BCL2: variants seen among roughly 807,000 people sequenced by gnomAD.
The protein encoded by BCL2 is BCL2 apoptosis regulator.
Under a neutral mutation model 14.2 loss-of-function variants are expected in BCL2, and 1 was observed. That is an observed-to-expected ratio of 0.07 (90% confidence interval 0.02 to 0.33). The LOEUF is 0.33. BCL2 is among the 10% of genes least tolerant of loss of function. The pLI, the probability that BCL2 is intolerant of heterozygous loss-of-function variation, is 0.99. For missense variants in BCL2, 247 were observed against 305.9 expected (o/e 0.81, Z 1.44); for synonymous variants, 151 against 137.2 (o/e 1.10, Z -0.70).
At chr18:63,155,512 G>A (rs545131824) in intron 2 of BCL2, among the ~76,000 whole-genome samples, 2 of 152,134 alleles carry the variant, frequency 1.3e-5, no homozygotes, top group South Asian at 2.1e-4. Context: ...TGGGGTGGAG[G>A]CCACAGGGGC....
intron 2 of BCL2, among the ~76,000 whole-genome samples, chr18:63,210,725 T>A (rs763602851): frequency 6.6e-6 from 1 of 152,178 alleles, no homozygotes. Flanking sequence ...TTCCTTTCAG[T>A]TCTTTTTTTT....
intron 2 of BCL2, among the ~76,000 whole-genome samples, chr18:63,226,465 A>C (rs1237193627): frequency 1.3e-5 from 2 of 152,194 alleles, no homozygotes; most frequent in Non-Finnish European, 2.9e-5. Flanking sequence ...AAACAATCTG[A>C]ATGCTCATTA....
chr18:63,285,551 G>A (rs1430709521), intron 2 of BCL2, among the ~76,000 whole-genome samples: 1 of 152,238 alleles, frequency 6.6e-6, no homozygotes, highest in Non-Finnish European at 1.5e-5. Flanking sequence ...GCAAATATGA[G>A]ATGGGTCACT....
intron 2 of BCL2, among the ~76,000 whole-genome samples, chr18:63,268,814 A>C (rs8094315): frequency 6.6e-6 from 1 of 152,080 alleles, no homozygotes; most frequent in African/African-American, 2.4e-5. Flanking sequence ...TTCAAATTTC[A>C]TATTTGCCAG....
intron 2 of BCL2, among the ~76,000 whole-genome samples, chr18:63,138,298 TC>T (rs895057490): frequency 6.6e-6 from 1 of 152,054 alleles, no homozygotes; most frequent in African/African-American, 2.4e-5. Context: ...TGACTCCATT[TC>T]CCCCCTTATC....
chr18:63,305,903 C>T (rs1309025412), intron 2 of BCL2, among the ~76,000 whole-genome samples: 3 of 151,794 alleles, frequency 2.0e-5, no homozygotes, highest in Non-Finnish European at 2.9e-5. Flanking sequence ...GAGATCCTGT[C>T]GCAAAAAAAG....
Position 63,142,190 on chromosome 18 carries a change from T to C in BCL2, c.586-13431A>G, listed in dbSNP as rs114873106. On this transcript the variant is annotated intron_variant, in intron 2 of 2. Transcript: ENST00000333681. ...AGTACAAAGAACCTGCATGTCCTAA[T>C]AGGAATTTGCTGAAAGTGGCCTCAG... Among the ~76,000 whole-genome samples, 1,219 of 152,262 alleles carry C rather than the reference T, an allele frequency of 8.0e-3. 15 individuals carry two copies. The highest frequency in any genetic ancestry group is 0.041 in the Middle Eastern group (12 of 294).
At chr18:63,133,284 CCAA>C (rs922903727) in intron 2 of BCL2, among the ~76,000 whole-genome samples, 1 of 150,272 alleles carries the variant, frequency 6.7e-6, no homozygotes, top group Non-Finnish European at 1.5e-5. Flanking sequence ...CAGCCATCCT[CCAA>C]CATTTTCCTT....
At chr18:63,156,366 C>T (rs1914782323) in intron 2 of BCL2, among the ~76,000 whole-genome samples, 1 of 152,164 alleles carries the variant, frequency 6.6e-6, no homozygotes, top group Non-Finnish European at 1.5e-5. Context: ...GGAGGACGGG[C>T]TGCCCTGTGC....
chr18:63,237,673 C>T (rs1910879295), intron 2 of BCL2, among the ~76,000 whole-genome samples: 1 of 152,164 alleles, frequency 6.6e-6, no homozygotes, highest in Admixed American at 6.5e-5. Context: ...TTATGGAAAG[C>T]TGGTCAAAGG....
At chr18:63,212,352 C>CAA (rs376847924) in intron 2 of BCL2, among the ~76,000 whole-genome samples, 5 of 143,768 alleles carry the variant, frequency 3.5e-5, no homozygotes, top group East Asian at 3.9e-4. Context: ...ACAACAACAA[C>CAA]AAAAAAAACA....
intron 2 of BCL2, among the ~76,000 whole-genome samples, chr18:63,280,399 C>A (rs1476473492): frequency 6.6e-6 from 1 of 152,138 alleles, no homozygotes; most frequent in Non-Finnish European, 1.5e-5. Flanking sequence ...ATACTGTAAG[C>A]CTCAAGAAAT....
chr18:63,236,946 TTTTTC>T (rs1264290208), intron 2 of BCL2, among the ~76,000 whole-genome samples: 4 of 152,170 alleles, frequency 2.6e-5, no homozygotes, highest in Non-Finnish European at 4.4e-5. Context: ...TTTTCAGGAT[TTTTTC>T]TTTTCTTTTC....
intron 2 of BCL2, among the ~76,000 whole-genome samples, chr18:63,267,837 CCT>C (rs1911878176): frequency 6.6e-6 from 1 of 152,084 alleles, no homozygotes; most frequent in Non-Finnish European, 1.5e-5. Context: ...TCCCTCCTTC[CCT>C]CTGTCTTTCT....
chr18:63,261,169 A>T (rs1599276083), intron 2 of BCL2, among the ~76,000 whole-genome samples: 1 of 152,222 alleles, frequency 6.6e-6, no homozygotes, highest in Non-Finnish European at 1.5e-5. Flanking sequence ...GTTAAGCAGG[A>T]GGAGTAGAAT....
At position 63,259,671 on chromosome 18, in the gene BCL2, G is replaced by A. The variant is rs138299300; in HGVS notation, c.585+58411C>T. On this transcript the variant is annotated intron_variant, in intron 2 of 2. Transcript: ENST00000333681. Reference sequence around the variant, plus strand: ...TTACCCACCTACGTGGTTATCAGACGTCTAGACTCAGCCAGGTGTTTTCCC... The same window carrying A: ...TTACCCACCTACGTGGTTATCAGACATCTAGACTCAGCCAGGTGTTTTCCC... 6.2e-3 allele frequency among the ~76,000 whole-genome samples: 937 copies of A among 152,328 alleles called. 9 individuals carry two copies. The highest frequency in any genetic ancestry group is 0.022 in the African/African-American group (896 of 41,572).
intron 2 of BCL2, among the ~76,000 whole-genome samples, chr18:63,313,368 G>A (rs1035647880): frequency 6.6e-6 from 1 of 152,216 alleles, no homozygotes; most frequent in Admixed American, 6.5e-5. Context: ...GCCAAACCAA[G>A]AGGGATGAAA....
intron 2 of BCL2, among the ~76,000 whole-genome samples, chr18:63,248,623 C>T (rs756661912): frequency 3.9e-5 from 6 of 152,174 alleles, no homozygotes; most frequent in Non-Finnish European, 4.4e-5. Flanking sequence ...CATAGAGAGA[C>T]AGAGAATAAG....
intron 2 of BCL2, among the ~76,000 whole-genome samples, chr18:63,210,160 T>C (rs1909960673): frequency 6.6e-6 from 1 of 152,148 alleles, no homozygotes; most frequent in Non-Finnish European, 1.5e-5. Flanking sequence ...AGGCAACTTT[T>C]TTCTAGGACT....
Sources: gnomAD v4.1 joint callset for allele counts (sites outside exome capture counted in the v4.1 genomes callset) on GRCh38, gnomAD v4.1.1 for gene constraint, MANE v1.5 for transcripts, NCBI Gene and HGNC (gene_info 2026-07-23, HGNC 2026-07-21) for gene names.